The following DOT1L variants were observed in gnomAD, a reference collection of about 807,000 sequenced individuals.
DOT1L encodes the protein DOT1 like histone lysine methyltransferase.
In DOT1L, 33 loss-of-function variants were observed where a neutral mutation model predicts 153.3. The ratio of observed to expected loss-of-function variants is 0.22; its 90% CI spans 0.16 to 0.29. DOT1L has a LOEUF of 0.29. Among genes scored for constraint, DOT1L ranks in the 10% least tolerant of loss-of-function variants. The pLI is 1.00. For synonymous variants in DOT1L, 1,135 were observed against 965.1 expected, an observed-to-expected ratio of 1.18 and a Z score of -3.26; for missense variants, 1,847 against 2,119.9, an observed-to-expected ratio of 0.87 and a Z score of 2.53.
At chr19:2,201,518 G>C (rs986453719) in intron 8 of DOT1L, among the ~76,000 whole-genome samples, 1 of 152,182 alleles carries the variant, frequency 6.6e-6, no homozygotes. Context: ...AGAAAATGGG[G>C]GTTTCTTTTC....
rs2023902753 is a variant in DOT1L, at chr19:2,216,429, A to C, written c.2072A>C (p.His691Pro). The C allele has an allele frequency of 6.2e-7, 1 of 1,612,572 alleles. No individual in the cohort carries two copies. Among genetic ancestry groups the C allele is most frequent in the South Asian group, 1.1e-5 (1 of 91,074 alleles). The part of the protein sequence containing the change: ...RELEPDASRL[H>P]LELDCTKFSL... ...CTGGAGCCTGACGCCAGCCGGCTGC[A>C]CCTGGAGCTGGACTGCACCAAGTTC... The change falls in exon 20 of 28, where the codon CAC (histidine) becomes CCC (proline). Residue 691 changes from histidine to proline, a missense_variant. Around this residue, in one of 8 missense-constraint regions of DOT1L, gnomAD observed 281 missense variants for 263.6 expected, o/e 1.07. Transcript: ENST00000398665.
At chr19:2,183,272 G>A (rs546507966) in intron 2 of DOT1L, among the ~76,000 whole-genome samples, 1 of 152,296 alleles carries the variant, frequency 6.6e-6, no homozygotes, top group Admixed American at 6.5e-5. Context: ...CCAGGTTCAA[G>A]CAATTCTCCT....
chr19:2,204,356 C>CTG lies in DOT1L; in HGVS notation c.787+1590_787+1591dup, dbSNP rs147921742. 1.9e-3 allele frequency among the ~76,000 whole-genome samples: 290 copies of CTG among 151,764 alleles called. 1 individual carries two copies. Among genetic ancestry groups the CTG allele is most frequent in the African/African-American group, 6.1e-3 (252 of 41,406 alleles). On this transcript the variant is annotated intron_variant, in intron 9 of 27. Transcript: ENST00000398665. The surrounding 1 kb of genome is among the most constrained non-coding windows in gnomAD (Gnocchi z 5.7). ...GTGCCTTGGGAGTTTGTTTGCATAT[C>CTG]TGTGTGTGTGTGTGCGTGTGGCAGT...
rs549788116 is a variant in DOT1L, at chr19:2,218,640, G to A, written c.2691+722G>A. On this transcript the variant is annotated intron_variant, in intron 22 of 27. Coordinates refer to ENST00000398665, the MANE Select transcript of DOT1L (RefSeq NM_032482.3). ...GATCTCCTGACCTAGTGATCCGCCCGCCTGGGCCTCCCAAAGTGCTGGGAT... is the reference window on the plus strand; with the variant it reads ...GATCTCCTGACCTAGTGATCCGCCCACCTGGGCCTCCCAAAGTGCTGGGAT... 6.6e-3 allele frequency among the ~76,000 whole-genome samples: 997 copies of A among 151,994 alleles called. 9 individuals carry two copies. The highest frequency in any genetic ancestry group is 0.065 in the Middle Eastern group (19 of 294).
At chr19:2,206,623 A>T (rs1599586206) in intron 9 of DOT1L, 106 bp from the exon 10 acceptor site, 1 of 1,070,294 alleles carries the variant, frequency 9.3e-7, no homozygotes, top group Non-Finnish European at 1.4e-6. Context: ...CCCGGAGCCC[A>T]GTGTGTGTGT....
Position 2,231,416 on chromosome 19 carries a change from G to T in DOT1L, c.*1624G>T, listed in dbSNP as rs1307020420. The T allele has an allele frequency of 4.9e-6, 1 of 204,740 alleles. No individual in the cohort carries two copies. Among genetic ancestry groups the T allele is most frequent in the African/African-American group, 2.3e-5 (1 of 43,614 alleles). The allele number at this position is 204,740 out of a possible 1,614,324, so 12.7% of individuals were successfully genotyped here. ...GAGCCACGGAGGAAAGGCTTCTGTG[G>T]TTGCTAGGTGGGGGAGTCCTGTGTG... On this transcript the variant is annotated 3_prime_UTR_variant, in exon 28 of 28. Transcript: ENST00000398665.
intron 27 of DOT1L, chr19:2,227,807 A>G: frequency 7.7e-7 from 1 of 1,305,082 alleles, no homozygotes; most frequent in Non-Finnish European, 1.0e-6. Context: ...GCGGGGCTGC[A>G]TGTGGCAGCG....
intron 1 of DOT1L, among the ~76,000 whole-genome samples, chr19:2,172,693 C>T (rs1045903296): frequency 6.6e-5 from 10 of 151,670 alleles, no homozygotes; most frequent in African/African-American, 2.4e-4. Flanking sequence ...TTAGTGGAGA[C>T]GGGGTTTCAC....
rs1338155387 is a variant in DOT1L, at chr19:2,222,614, AG to A, written c.3390+58del. 7.5e-6 allele frequency: 11 copies of A among 1,471,030 alleles called. No individual in the cohort carries two copies. Among genetic ancestry groups the A allele is most frequent in the Middle Eastern group, 1.8e-4 (1 of 5,438 alleles). The allele number at this position is 1,471,030 out of a possible 1,614,324, so 91.1% of individuals were successfully genotyped here. On this transcript the variant is annotated intron_variant, in intron 24 of 27. Transcript: ENST00000398665. This position sits in a 1 kb window ranked among gnomAD's most constrained non-coding sequence, Gnocchi z 6.5. ...GCGCGGCCTGTGAAAGAAAGACCAG[AG>A]GGAGACCGGGCGCGGTGGCTCACGC...
chr19:2,185,796 CACAAAACAAA>C, intron 2 of DOT1L, 49 bp from the exon 3 acceptor site: 1 of 1,578,012 alleles, frequency 6.3e-7, no homozygotes, highest in Non-Finnish European at 8.7e-7. Context: ...AAAAACAAAA[CACAAAACAAA>C]ACAAAAAAAA....
chr19:2,200,011 G>C (rs960040997), intron 8 of DOT1L, 72 bp downstream of exon 8: 2 of 1,573,874 alleles, frequency 1.3e-6, no homozygotes, highest in Non-Finnish European at 1.7e-6. Context: ...ATGGCACCGG[G>C]GACCGGGAGC....
intron 27 of DOT1L, chr19:2,228,308 T>C: frequency 7.4e-7 from 1 of 1,347,350 alleles, no homozygotes. Context: ...GCATGCCGCC[T>C]CCCTATGCCG....
rs922069215 is a variant in DOT1L at position 2,163,984 on chromosome 19, G to T, written c.-201G>T. Among the ~76,000 whole-genome samples the T allele has an allele frequency of 6.7e-6, 1 of 149,644 alleles. No individual in the cohort carries two copies. Among genetic ancestry groups the T allele is most frequent in the East Asian group, 1.9e-4 (1 of 5,166 alleles). ...GATGGCGGAGGCGCTGGAGGCCCCG[G>T]GCCTGTGACTACAAAGAGGGAGTCG... On this transcript the variant is annotated 5_prime_UTR_variant, in exon 1 of 28. Coordinates refer to ENST00000398665, the MANE Select transcript of DOT1L (RefSeq NM_032482.3).
intron 6 of DOT1L, 116 bp from the exon 7 acceptor site, chr19:2,194,399 C>G: frequency 8.9e-7 from 1 of 1,124,568 alleles, no homozygotes; most frequent in East Asian, 2.4e-5. Context: ...TCGCAATCTC[C>G]TGACCTCATG....
intron 8 of DOT1L, among the ~76,000 whole-genome samples, chr19:2,202,292 G>A (rs745842028): frequency 1.3e-5 from 2 of 152,206 alleles, no homozygotes; most frequent in East Asian, 1.9e-4. Context: ...GCAGTTGAGC[G>A]GGAGCCTCTG....
Position 2,207,302 on chromosome 19 carries a change from C to T in DOT1L, c.857-272C>T, listed in dbSNP as rs1411375091. Among the ~76,000 whole-genome samples, 2 of 152,222 alleles carry T rather than the reference C, an allele frequency of 1.3e-5. No individual in the cohort carries two copies. Among genetic ancestry groups the T allele is most frequent in the Non-Finnish European group, 2.9e-5 (2 of 68,028 alleles). ...CCGTTCTTGCAGCCGTGATCTAAGT[C>T]GCTTCCAGATCTTCTCCCCCTCCTT... On this transcript the variant is annotated intron_variant, in intron 10 of 27. Coordinates refer to ENST00000398665, the MANE Select transcript of DOT1L (RefSeq NM_032482.3). This position sits in a 1 kb window ranked among gnomAD's most constrained non-coding sequence, Gnocchi z 4.5.
Position 2,197,619 on chromosome 19 carries a change from G to A in DOT1L, c.652-2265G>A, listed in dbSNP as rs1467750529. On this transcript the variant is annotated intron_variant, in intron 7 of 27. Coordinates refer to ENST00000398665, the MANE Select transcript of DOT1L (RefSeq NM_032482.3). The surrounding 1 kb of genome is among the most constrained non-coding windows in gnomAD (Gnocchi z 4.1). ...TGTCTAGTGTGGCACAGGTGCTCCT[G>A]GCATGGAGCTGCGTTCGTGGTCTGG... Among the ~76,000 whole-genome samples the A allele has an allele frequency of 1.3e-5, 2 of 152,196 alleles. No individual in the cohort carries two copies. Among genetic ancestry groups the A allele is most frequent in the Non-Finnish European group, 2.9e-5 (2 of 68,024 alleles).
rs1246194154 is a variant in DOT1L at position 2,230,717 on chromosome 19, A to G, written c.*925A>G. The stretch of plus-strand genomic sequence containing the variant: ...ACAGCTTTTATTTTTAGATGGTATA[A>G]TGCACAGTGAAGAGGAAAGAAAAGC... On this transcript the variant is annotated 3_prime_UTR_variant, in exon 28 of 28. Transcript: ENST00000398665. 5.0e-6 allele frequency: 2 copies of G among 397,652 alleles called. No individual in the cohort carries two copies. The highest frequency in any genetic ancestry group is 4.1e-5 in the African/African-American group (2 of 48,626). The allele number at this position is 397,652 out of a possible 1,614,324, so 24.6% of individuals were successfully genotyped here.
In DOT1L at chr19:2,189,808, C is replaced by T. The variant is rs376001115; in HGVS notation, c.264+13C>T. On this transcript the variant is annotated intron_variant, in intron 4 of 27. Coordinates refer to ENST00000398665, the MANE Select transcript of DOT1L (RefSeq NM_032482.3). ...CATCCACCAGCTGGTAGGTGGCTTG[C>T]CCCTGCCCAGAGGGGGTTAGTAGTG... 2.4e-5 allele frequency: 39 copies of T among 1,611,254 alleles called. No homozygotes were observed. Among genetic ancestry groups the T allele is most frequent in the African/African-American group, 2.4e-4 (18 of 74,930 alleles).
Sources: allele counts gnomAD v4.1 joint callset (sites outside exome capture counted in the v4.1 genomes callset), GRCh38; gene constraint gnomAD v4.1.1; regional missense constraint gnomAD v4.1.1; non-coding constraint Gnocchi (gnomAD v3.1); transcripts MANE v1.5; gene names NCBI Gene and HGNC (gene_info 2026-07-23, HGNC 2026-07-21).